TRPM4: variants seen among roughly 807,000 people sequenced by gnomAD.
TRPM4 encodes transient receptor potential cation channel subfamily M member 4.
TRPM4 carries 124 observed loss-of-function variants against 135.6 expected under a neutral mutation model. The observed-to-expected ratio is 0.91, with a 90% CI of 0.79 to 1.06. The LOEUF (loss-of-function observed/expected upper bound fraction) is 1.06, where lower values mean the gene tolerates loss of function less well. Ranked by LOEUF, TRPM4 falls within the 50% of genes least tolerant of loss-of-function variation. The pLI is 0.00. For synonymous variants in TRPM4, 745 were observed against 705.6 expected (o/e 1.06, Z -0.88); for missense variants, 1,658 against 1,671.4 (o/e 0.99, Z 0.14).
At position 49,157,823 on chromosome 19, in the gene TRPM4, C is replaced by G; in HGVS notation, c.-44C>G. On this transcript the variant is annotated 5_prime_UTR_variant, in exon 1 of 25. Transcript: ENST00000252826. ...CTGGAAGCAGAGCCGGCGGAGGGAGCGCCGGGGCCCTGGGCTGCAGGAGGT... is the reference window on the plus strand; with the variant it reads ...CTGGAAGCAGAGCCGGCGGAGGGAGGGCCGGGGCCCTGGGCTGCAGGAGGT... 1 of 1,533,340 alleles carries G rather than the reference C, an allele frequency of 6.5e-7. No homozygotes were observed. The highest frequency in any genetic ancestry group is 1.2e-5 in the South Asian group (1 of 83,884). The allele number at this position is 1,533,340 out of a possible 1,614,324, so 95.0% of individuals were successfully genotyped here. A position where few individuals can be genotyped will look rare whatever the true frequency, so the allele number is the denominator to read the frequency against.
intron 15 of TRPM4, among the ~76,000 whole-genome samples, 170 bp from the exon 16 acceptor site, chr19:49,190,526 C>G (rs1968371561): frequency 6.6e-6 from 1 of 152,134 alleles, no homozygotes; most frequent in South Asian, 2.1e-4. Context: ...GGCAGTTACT[C>G]TGCCTTTCTG....
chr19:49,179,761 C>T (rs1967846318), intron 9 of TRPM4, among the ~76,000 whole-genome samples: 3 of 152,174 alleles, frequency 2.0e-5, no homozygotes, highest in Non-Finnish European at 2.9e-5. Context: ...TCTGAATGGA[C>T]GTCTGGGTTT....
intron 20 of TRPM4, among the ~76,000 whole-genome samples, chr19:49,206,562 C>A (rs1318006976): frequency 6.6e-6 from 1 of 151,872 alleles, no homozygotes; most frequent in Non-Finnish European, 1.5e-5. Flanking sequence ...GCCTCAGCCT[C>A]CTGAGTAGCT....
chr19:49,176,500 G>A (rs1225106808), intron 9 of TRPM4, among the ~76,000 whole-genome samples: 1 of 152,166 alleles, frequency 6.6e-6, no homozygotes, highest in East Asian at 1.9e-4. Context: ...TATAGTACAG[G>A]CTGTGGTAGG....
intron 17 of TRPM4, among the ~76,000 whole-genome samples, chr19:49,198,375 G>A (rs560532261): frequency 6.6e-6 from 1 of 152,230 alleles, no homozygotes; most frequent in South Asian, 2.1e-4. Flanking sequence ...GGCCTGGCGT[G>A]GTGGCTCATG....
intron 6 of TRPM4, among the ~76,000 whole-genome samples, chr19:49,170,715 C>T (rs1268319587): frequency 6.6e-6 from 1 of 152,158 alleles, no homozygotes; most frequent in Non-Finnish European, 1.5e-5. Flanking sequence ...TCTAGGTCCT[C>T]AGCCCCCTCC....
chr19:49,211,545 T>G lies in TRPM4; in HGVS notation c.*47T>G. On this transcript the variant is annotated 3_prime_UTR_variant, in exon 25 of 25. Transcript: ENST00000252826. This position sits in a 1 kb window ranked among gnomAD's most constrained non-coding sequence, Gnocchi z 4.8. ...GAGAAGCCCCCACAGGGGATTTTGC[T>G]CCTAGAGTAAGGCTCATCTGGGCCT... 6.2e-7 allele frequency: 1 copy of G among 1,613,564 alleles called. No individual in the cohort carries two copies. Among genetic ancestry groups the G allele is most frequent in the Non-Finnish European group, 8.5e-7 (1 of 1,179,858 alleles).
chr19:49,187,264 A>T (rs1042410806), intron 12 of TRPM4, among the ~76,000 whole-genome samples: 1 of 150,988 alleles, frequency 6.6e-6, no homozygotes, highest in Non-Finnish European at 1.5e-5. Context: ...ACAACTTTTG[A>T]TAGCTATTGA....
chr19:49,189,818 G>T (rs1968343526), intron 14 of TRPM4, among the ~76,000 whole-genome samples: 1 of 152,128 alleles, frequency 6.6e-6, no homozygotes, highest in Non-Finnish European at 1.5e-5. Flanking sequence ...CCCTTGCTGT[G>T]GATAGTGGTT....
intron 9 of TRPM4, among the ~76,000 whole-genome samples, chr19:49,180,941 TA>T: frequency 6.6e-6 from 1 of 152,176 alleles, no homozygotes; most frequent in East Asian, 1.9e-4. Context: ...CTAATCATAT[TA>T]TATGCCTACC....
chr19:49,197,473 CTCCTTCCTTCCTTCCTTCCT>C (rs59760626), intron 17 of TRPM4, among the ~76,000 whole-genome samples: 51 of 114,934 alleles, frequency 4.4e-4, no homozygotes, highest in African/African-American at 1.1e-3. Flanking sequence ...GCCTCCCTCC[CTCCTTCCTTCCTTCCTTCCT>C]TCCTTCCTTC....
intron 2 of TRPM4, chr19:49,158,599 CAT>C: frequency 3.5e-6 from 1 of 283,308 alleles, no homozygotes. Flanking sequence ...TTCATTCATT[CAT>C]TCATTCATTC....
chr19:49,190,654 C>A (rs1968376707), intron 15 of TRPM4, 42 bp from the exon 16 acceptor site: 6 of 1,599,094 alleles, frequency 3.8e-6, no homozygotes, highest in African/African-American at 2.7e-5. Context: ...TCTCCACCTT[C>A]TCTTCCCCTC....
At chr19:49,169,660 G>A (rs1315777602) in intron 6 of TRPM4, among the ~76,000 whole-genome samples, 1 of 151,388 alleles carries the variant, frequency 6.6e-6, no homozygotes, top group Non-Finnish European at 1.5e-5. Flanking sequence ...CAAGTGATTC[G>A]CCCACCTCAG....
chr19:49,158,337 C>G, intron 2 of TRPM4, 78 bp downstream of exon 2: 1 of 1,290,074 alleles, frequency 7.8e-7, no homozygotes, highest in Non-Finnish European at 1.1e-6. Context: ...ACGCCCCAGC[C>G]CTGCTCCTTC....
chr19:49,157,976 A>C, intron 1 of TRPM4, 86 bp downstream of exon 1: 1 of 1,449,446 alleles, frequency 6.9e-7, no homozygotes, highest in Non-Finnish European at 9.4e-7. Context: ...GGACACCCAG[A>C]TTCCTGGGTC....
At chr19:49,196,153 C>T (rs1968625817) in intron 16 of TRPM4, among the ~76,000 whole-genome samples, 1 of 152,048 alleles carries the variant, frequency 6.6e-6, no homozygotes, top group African/African-American at 2.4e-5. Flanking sequence ...CCACCGCGCC[C>T]GATCCGGGTA....
Position 49,211,222 on chromosome 19 carries a change from T to C in TRPM4, c.3593T>C (p.Leu1198Ser), listed in dbSNP as rs1205468648. 2 of 1,597,630 alleles carry C rather than the reference T, an allele frequency of 1.3e-6. No individual in the cohort carries two copies. The highest frequency in any genetic ancestry group is 2.7e-5 in the African/African-American group (2 of 74,724). Reference sequence around the variant, plus strand: ...GCCGAGGCCCTGAGCCGCTCTGCCTTGCTGCCCCCAGGTGGGCCGCCACCC... The same window carrying C: ...GCCGAGGCCCTGAGCCGCTCTGCCTCGCTGCCCCCAGGTGGGCCGCCACCC... ...WVAEALSRSA[L>S]LPPGGPPPPD... is the part of the protein sequence containing the mutation. Residue 1198 changes from leucine to serine, a missense_variant, in exon 24 of 25, where the codon TTG (leucine) becomes TCG (serine). Transcript: ENST00000252826. This position sits in a 1 kb window ranked among gnomAD's most constrained non-coding sequence, Gnocchi z 4.8.
At position 49,179,543 on chromosome 19, in the gene TRPM4, T is replaced by A. The variant is rs532028638; in HGVS notation, c.1151-1806T>A. On this transcript the variant is annotated intron_variant, in intron 9 of 24. Transcript: ENST00000252826. ...TTTTTGTATTTTAGTAGAGATGGGG[T>A]TTCACCGTGTTACCCAGGCTGGTCT... 4.6e-5 allele frequency among the ~76,000 whole-genome samples: 7 copies of A among 151,908 alleles called. No individual in the cohort carries two copies. In the South Asian group the frequency reaches 1.5e-3, roughly 32 times the overall value.
Sources: gnomAD v4.1 joint callset for allele counts (sites outside exome capture counted in the v4.1 genomes callset) on GRCh38, gnomAD v4.1.1 for gene constraint, Gnocchi (gnomAD v3.1) non-coding constraint, MANE v1.5 for transcripts, NCBI Gene and HGNC (gene_info 2026-07-23, HGNC 2026-07-21) for gene names.